ZNF385D: variants seen among roughly 807,000 people sequenced by gnomAD.
ZNF385D encodes the protein zinc finger protein 659.
A neutral mutation model predicts 35.8 loss-of-function variants in ZNF385D; 15 were observed. The observed-to-expected ratio is 0.42, with a 90% CI of 0.28 to 0.64. The LOEUF (loss-of-function observed/expected upper bound fraction) is 0.64. Among genes scored for constraint, ZNF385D ranks in the 30% least tolerant of loss-of-function variants. The probability of loss-of-function intolerance (pLI) is 0.23; values close to 1 mark genes in which losing one functional copy is unlikely to be tolerated. For missense variants in ZNF385D, 474 were observed against 494.6 expected (o/e 0.96, Z 0.39); for synonymous variants, 212 against 186.8 (o/e 1.13, Z -1.10).
At chr3:21,574,501 T>C (rs901209745) in intron 2 of ZNF385D, among the ~76,000 whole-genome samples, 1 of 152,168 alleles carries the variant, frequency 6.6e-6, no homozygotes, top group African/African-American at 2.4e-5. Context: ...AGGAGACAAT[T>C]GAAGGAAAGT....
In ZNF385D at chr3:21,421,141, A is replaced by T; in HGVS notation, c.*73T>A. On this transcript the variant is annotated 3_prime_UTR_variant, in exon 8 of 8. Transcript: ENST00000281523. Reference sequence around the variant, plus strand: ...ACTTTAAACTATAAATAAACACTGCATAGTTCTCTTTTGTTTGTTTTGTTT... The same window carrying T: ...ACTTTAAACTATAAATAAACACTGCTTAGTTCTCTTTTGTTTGTTTTGTTT... 1.6e-6 allele frequency: 2 copies of T among 1,227,658 alleles called. No homozygotes were observed. Among genetic ancestry groups the T allele is most frequent in the Non-Finnish European group, 2.3e-6 (2 of 855,670 alleles). The allele number at this position is 1,227,658 out of a possible 1,614,324, so 76.0% of individuals were successfully genotyped here. A position where few individuals can be genotyped will look rare whatever the true frequency, so the allele number is the denominator to read the frequency against.
At chr3:21,460,588 C>T (rs1703106019) in intron 4 of ZNF385D, among the ~76,000 whole-genome samples, 1 of 152,136 alleles carries the variant, frequency 6.6e-6, no homozygotes, top group South Asian at 2.1e-4. Flanking sequence ...GATAAAGCTA[C>T]AATGAATGGG....
At chr3:22,350,577 C>T (rs545199653) in intron 2 of ZNF385D, among the ~76,000 whole-genome samples, 1 of 152,168 alleles carries the variant, frequency 6.6e-6, no homozygotes, top group African/African-American at 2.4e-5. Flanking sequence ...TTGTTGAAGA[C>T]ACCTTATGTA....
chr3:21,721,418 G>C (rs924614148), intron 1 of ZNF385D, among the ~76,000 whole-genome samples: 8 of 151,800 alleles, frequency 5.3e-5, no homozygotes, highest in African/African-American at 1.9e-4. Context: ...AAAAGAAATA[G>C]TCCAGAGAAG....
At chr3:21,481,254 T>G (rs1033138708) in intron 4 of ZNF385D, among the ~76,000 whole-genome samples, 15 of 152,300 alleles carry the variant, frequency 9.8e-5, no homozygotes, top group Admixed American at 7.2e-4. Flanking sequence ...GACTCTTTCT[T>G]TAGAAAAAGA....
chr3:21,566,112 ATAG>A (rs542168276), intron 2 of ZNF385D, among the ~76,000 whole-genome samples: 11 of 152,228 alleles, frequency 7.2e-5, no homozygotes, highest in Non-Finnish European at 1.2e-4. Flanking sequence ...AACAATAAAA[ATAG>A]TAGCAGTTAG....
intron 2 of ZNF385D, among the ~76,000 whole-genome samples, chr3:22,188,996 TAGAA>T (rs1322154821): frequency 6.6e-6 from 1 of 152,110 alleles, no homozygotes; most frequent in Non-Finnish European, 1.5e-5. Context: ...CAAGTTCTCT[TAGAA>T]AGCCCAACAG....
At chr3:21,976,632 C>T (rs1456096346) in intron 3 of ZNF385D, among the ~76,000 whole-genome samples, 1 of 152,136 alleles carries the variant, frequency 6.6e-6, no homozygotes, top group South Asian at 2.1e-4. Flanking sequence ...CCCAAACTGT[C>T]CATTAACTCC....
At chr3:21,569,232 G>GA (rs2063248600) in intron 2 of ZNF385D, among the ~76,000 whole-genome samples, 1 of 150,250 alleles carries the variant, frequency 6.7e-6, no homozygotes, top group Non-Finnish European at 1.5e-5. Flanking sequence ...CTTGCTTTAT[G>GA]AATCTGGGTG....
intron 3 of ZNF385D, among the ~76,000 whole-genome samples, chr3:22,113,416 T>G (rs9849471): frequency 0.035 from 5,304 of 152,178 alleles, 304 homozygotes; most frequent in African/African-American, 0.12. Context: ...TTTTTTCTTA[T>G]TTAAGGCAAT....
chr3:22,025,977 A>G (rs544031411), intron 3 of ZNF385D, among the ~76,000 whole-genome samples: 1 of 152,296 alleles, frequency 6.6e-6, no homozygotes, highest in South Asian at 2.1e-4. Flanking sequence ...CCCAACCATC[A>G]AAGGCAAGGT....
rs560604552 is a variant in ZNF385D, at chr3:21,785,473, A to C, written c.326-120445T>G. Among the ~76,000 whole-genome samples, 3 of 152,264 alleles carry C rather than the reference A, an allele frequency of 2.0e-5. No individual in the cohort carries two copies. In the East Asian group the frequency reaches 5.8e-4, roughly 29 times the overall value. On this transcript the variant is annotated intron_variant, in intron 3 of 5. Transcript: ENST00000494108. ...ATTTTCAGTACACTATGCAATATTA[A>C]TAACTACAGGTACAGTGTTGTGCAT... is the stretch of plus-strand genomic sequence containing the variant.
chr3:21,857,978 C>T (rs1696825151), intron 3 of ZNF385D, among the ~76,000 whole-genome samples: 1 of 151,708 alleles, frequency 6.6e-6, no homozygotes, highest in Non-Finnish European at 1.5e-5. Flanking sequence ...TGGTGGTTCA[C>T]ACCTGTAATC....
intron 4 of ZNF385D, among the ~76,000 whole-genome samples, chr3:21,494,772 A>G (rs1156315483): frequency 1.3e-5 from 2 of 152,176 alleles, no homozygotes; most frequent in Non-Finnish European, 2.9e-5. Flanking sequence ...ATGAATCACT[A>G]GAGGACAGAA....
At chr3:22,209,859 G>A (rs576612789) in intron 2 of ZNF385D, among the ~76,000 whole-genome samples, 1 of 151,544 alleles carries the variant, frequency 6.6e-6, no homozygotes, top group Non-Finnish European at 1.5e-5. Context: ...TGTATATTCA[G>A]CCTTATCTTT....
chr3:22,185,111 T>A (rs1303329613), intron 2 of ZNF385D, among the ~76,000 whole-genome samples: 1 of 152,140 alleles, frequency 6.6e-6, no homozygotes, highest in African/African-American at 2.4e-5. Context: ...AATCTACCAA[T>A]GAGAGAGCAA....
At chr3:22,010,068 C>T (rs1042022868) in intron 3 of ZNF385D, among the ~76,000 whole-genome samples, 3 of 151,990 alleles carry the variant, frequency 2.0e-5, no homozygotes, top group Admixed American at 6.6e-5. Flanking sequence ...AGCTAATCAT[C>T]TGCCTGACAG....
intron 3 of ZNF385D, among the ~76,000 whole-genome samples, chr3:21,985,021 C>A (rs1187379230): frequency 6.6e-6 from 1 of 150,588 alleles, no homozygotes; most frequent in Non-Finnish European, 1.5e-5. Flanking sequence ...GATTTTGTAT[C>A]CTGAGACTTT....
At chr3:21,424,982 C>A (rs1437511415) in intron 6 of ZNF385D, among the ~76,000 whole-genome samples, 3 of 152,140 alleles carry the variant, frequency 2.0e-5, no homozygotes, top group Admixed American at 2.0e-4. Flanking sequence ...AAAATGAACA[C>A]AACTTGATTA....
Sources: allele counts gnomAD v4.1 joint callset (sites outside exome capture counted in the v4.1 genomes callset), GRCh38; gene constraint gnomAD v4.1.1; transcripts MANE v1.5; gene names NCBI Gene and HGNC (gene_info 2026-07-23, HGNC 2026-07-21).